IFT122: variants seen among roughly 807,000 people sequenced by gnomAD.
IFT122 encodes the protein intraflagellar transport protein 122 homolog.
Under a neutral mutation model 161.6 loss-of-function variants are expected in IFT122, and 118 were observed. The observed-to-expected ratio is 0.73, with a 90% CI of 0.63 to 0.85. The LOEUF (loss-of-function observed/expected upper bound fraction) is 0.85. Among genes scored for constraint, IFT122 ranks in the 40% least tolerant of loss-of-function variants. The pLI, the probability that IFT122 is intolerant of heterozygous loss-of-function variation, is 0.00. For missense variants in IFT122, 1,381 were observed against 1,579.6 expected, an observed-to-expected ratio of 0.87 and a Z score of 2.13; for synonymous variants, 550 against 602.4, an observed-to-expected ratio of 0.91 and a Z score of 1.27.
intron 1 of IFT122, among the ~76,000 whole-genome samples, chr3:129,444,791 A>G (rs1422012747): frequency 6.6e-6 from 1 of 152,184 alleles, no homozygotes; most frequent in East Asian, 1.9e-4. Flanking sequence ...AAATGCTAAG[A>G]TTATAGGCGT....
At chr3:129,490,432 C>T (rs916550374) in intron 16 of IFT122, among the ~76,000 whole-genome samples, 1 of 152,154 alleles carries the variant, frequency 6.6e-6, no homozygotes, top group African/African-American at 2.4e-5. Context: ...CAGGTTCCTC[C>T]CTATTCCCAG....
chr3:129,520,235 C>T lies in IFT122; in HGVS notation c.3696C>T (p.Cys1232=). The T allele has an allele frequency of 6.2e-7, 1 of 1,611,292 alleles. No individual in the cohort carries two copies. The stretch of plus-strand genomic sequence containing the variant: ...TTCAGCATGGCTGCTGCCCCTACTG[C>T]CGCAGGTGCAAGGATGACCCTGGCC... ...LVLQHGCCPY[C]RRCKDDPGP The change falls in exon 30 of 30, where the codon TGC becomes TGT. Residue 1232 remains cysteine (C), a synonymous_variant. Transcript: ENST00000348417.
At chr3:129,479,637 T>G in intron 12 of IFT122, 148 bp from the exon 13 acceptor site, 1 of 968,164 alleles carries the variant, frequency 1.0e-6, no homozygotes, top group Non-Finnish European at 1.6e-6. Context: ...GGATTAACGA[T>G]GCCAATCGTG....
chr3:129,468,962 C>T (rs1430480335), intron 8 of IFT122, among the ~76,000 whole-genome samples: 1 of 152,202 alleles, frequency 6.6e-6, no homozygotes, highest in Non-Finnish European at 1.5e-5. Context: ...TGTTTCTCTG[C>T]CATCTCCCCA....
At chr3:129,499,416 T>C (rs1467421363) in intron 18 of IFT122, among the ~76,000 whole-genome samples, 1 of 138,566 alleles carries the variant, frequency 7.2e-6, no homozygotes, top group African/African-American at 3.1e-5. Flanking sequence ...TCAGCCTCAC[T>C]CTGAAGCATG....
At chr3:129,502,589 C>T in intron 19 of IFT122, 122 bp from the exon 20 acceptor site, 1 of 1,121,112 alleles carries the variant, frequency 8.9e-7, no homozygotes, top group East Asian at 2.3e-5. Flanking sequence ...TAACTACCCA[C>T]TGAGCAACTC....
chr3:129,519,087 C>T lies in IFT122; in HGVS notation c.3392-20C>T, dbSNP rs200747264. On this transcript the variant is annotated intron_variant, in intron 27 of 29. Coordinates refer to ENST00000348417, the MANE Select transcript of IFT122 (RefSeq NM_052989.3). ...TCTCCATCTCTGCTTCTGATTCCAT[C>T]CTTGACCAGATCCCTCCAGGCTCCC... 8.8e-5 allele frequency: 141 copies of T among 1,609,220 alleles called. No individual in the cohort carries two copies. The African/African-American group carries it at 1.8e-3, about 20-fold the overall frequency.
At chr3:129,446,475 A>G (rs564703269) in intron 1 of IFT122, among the ~76,000 whole-genome samples, 1 of 152,088 alleles carries the variant, frequency 6.6e-6, no homozygotes, top group Non-Finnish European at 1.5e-5. Flanking sequence ...TCGGCCTCCC[A>G]AAGTGCTGGG....
chr3:129,471,220 C>T (rs559531676), intron 9 of IFT122, among the ~76,000 whole-genome samples: 1 of 152,284 alleles, frequency 6.6e-6, no homozygotes, highest in South Asian at 2.1e-4. Flanking sequence ...ATGTGTGTAG[C>T]CCAGCTTTTG....
intron 15 of IFT122, among the ~76,000 whole-genome samples, chr3:129,484,329 AACAG>A (rs1334577454): frequency 2.6e-5 from 4 of 152,106 alleles, no homozygotes; most frequent in Non-Finnish European, 4.4e-5. Context: ...ATTGCCATAA[AACAG>A]AGACGTGCAT....
At chr3:129,457,629 G>A (rs9845703) in intron 3 of IFT122, among the ~76,000 whole-genome samples, 3,746 of 152,202 alleles carry the variant, frequency 0.025, 139 homozygotes, top group African/African-American at 0.082. Flanking sequence ...GTTGACCAAA[G>A]GGTAGTTTCA....
At chr3:129,443,267 G>A (rs930907432) in intron 1 of IFT122, among the ~76,000 whole-genome samples, 2 of 152,246 alleles carry the variant, frequency 1.3e-5, no homozygotes, top group Admixed American at 6.5e-5. Flanking sequence ...GGCACTGTGG[G>A]ACATTGGTTT....
At chr3:129,475,661 A>T (rs540200599) in intron 9 of IFT122, among the ~76,000 whole-genome samples, 188 of 152,080 alleles carry the variant, frequency 1.2e-3, no homozygotes, top group African/African-American at 3.4e-3. Context: ...CAAAAAAAAA[A>T]TTTTTTGCCA....
rs2108275444 is a variant in IFT122, at chr3:129,476,332, A to G, written c.834A>G (p.Ala278=). 1 of 1,614,192 alleles carries G rather than the reference A, an allele frequency of 6.2e-7. No individual in the cohort carries two copies. The highest frequency in any genetic ancestry group is 8.5e-7 in the Non-Finnish European group (1 of 1,180,030). The change falls in exon 10 of 30, where the codon GCA becomes GCG. Residue 278 remains alanine, a synonymous_variant. Coordinates refer to ENST00000348417, the MANE Select transcript of IFT122 (RefSeq NM_052989.3). ...LSGKQIGKDR[A]LNFDPCCISY... ...TTCCTCAGATTGGAAAGGATCGGGC[A>G]CTGAACTTTGACCCCTGCTGCATCA...
At chr3:129,468,688 T>G (rs1346728889) in intron 8 of IFT122, among the ~76,000 whole-genome samples, 1 of 152,178 alleles carries the variant, frequency 6.6e-6, no homozygotes, top group East Asian at 1.9e-4. Flanking sequence ...CTCTCCAGCC[T>G]CAGGCAAGGG....
intron 9 of IFT122, among the ~76,000 whole-genome samples, chr3:129,471,670 C>T (rs1210449582): frequency 6.6e-6 from 1 of 152,196 alleles, no homozygotes; most frequent in Admixed American, 6.5e-5. Flanking sequence ...GAGATGGTAA[C>T]CCCAACTTGT....
intron 11 of IFT122, 38 bp downstream of exon 11, chr3:129,476,839 T>TGGAA: frequency 6.2e-7 from 1 of 1,610,562 alleles, no homozygotes; most frequent in Non-Finnish European, 8.5e-7. Context: ...GAGGGACAGG[T>TGGAA]GGAAGCAGGT....
intron 19 of IFT122, among the ~76,000 whole-genome samples, chr3:129,500,913 T>G (rs1296064814): frequency 6.6e-6 from 1 of 152,164 alleles, no homozygotes; most frequent in Non-Finnish European, 1.5e-5. Flanking sequence ...AACTGGCTAG[T>G]GCAGTAGAGC....
chr3:129,500,008 T>C lies in IFT122; in HGVS notation c.2315T>C (p.Ile772Thr). 6.2e-7 allele frequency: 1 copy of C among 1,614,170 alleles called. No homozygotes were observed. The highest frequency in any genetic ancestry group is 8.5e-7 in the Non-Finnish European group (1 of 1,180,026). The part of the protein sequence containing the change: ...KEPKAAVEMY[I>T]SAGEHVKAIE... ...CCCAAAGCCGCCGTGGAGATGTACA[T>C]CTCAGCAGGAGAGCACGTCAAGGCC... The change falls in exon 19 of 30, where the codon ATC (isoleucine) becomes ACC (threonine). Residue 772 changes from isoleucine (I) to threonine (T), a missense_variant. Transcript: ENST00000348417.
Sources: gnomAD v4.1 joint callset for allele counts (sites outside exome capture counted in the v4.1 genomes callset) on GRCh38, gnomAD v4.1.1 for gene constraint, MANE v1.5 for transcripts, NCBI Gene and HGNC (gene_info 2026-07-23, HGNC 2026-07-21) for gene names.